The following PROB1 variants were observed in gnomAD, a reference collection of about 807,000 sequenced individuals.
The protein encoded by PROB1 is proline rich basic protein 1, also known as proline-rich basic protein 1.
For missense variants in PROB1, 1,453 were observed against 1,485.7 expected, an observed-to-expected ratio of 0.98 and a Z score of 0.36; for synonymous variants, 660 against 699.3, an observed-to-expected ratio of 0.94 and a Z score of 0.89.
At position 139,393,078 on chromosome 5, in the gene PROB1, C is replaced by T. The variant is rs769901914; in HGVS notation, c.2004G>A (p.Pro668=). Residue 668 remains proline (P), a synonymous_variant, in exon 1 of 1, where the codon CCG becomes CCA. Transcript: ENST00000434752. The stretch of plus-strand genomic sequence containing the variant: ...CCGGGGCGGGGGGCCCCAGTGCTGG[C>T]GGCTCTTGCGTCTTGGATTCGCCGC... The part of the protein sequence containing the change: ...EEGGESKTQE[P]PALGPPAPAH... 6.6e-5 allele frequency: 101 copies of T among 1,527,260 alleles called. No homozygotes were observed. The highest frequency in any genetic ancestry group is 8.2e-5 in the Non-Finnish European group (93 of 1,135,760). The allele number at this position is 1,527,260 out of a possible 1,614,324, so 94.6% of individuals were successfully genotyped here.
Position 139,390,863 on chromosome 5 carries a change from TC to T in PROB1, c.*1170del, listed in dbSNP as rs1276369752. Reference sequence around the variant, plus strand: ...CACTGCTTCTCATGGAAACTGTCCTTCCCAAACTCATCACATCACACACCAG... The same window carrying T: ...CACTGCTTCTCATGGAAACTGTCCTTCCAAACTCATCACATCACACACCAG... On this transcript the variant is annotated 3_prime_UTR_variant, in exon 1 of 1. Transcript: ENST00000434752. 2 of 152,266 alleles carry T rather than the reference TC, an allele frequency of 1.3e-5. No individual in the cohort carries two copies. Among genetic ancestry groups the T allele is most frequent in the Non-Finnish European group, 2.9e-5 (2 of 68,164 alleles). The allele number at this position is 152,266 out of a possible 1,614,324, so 9.4% of individuals were successfully genotyped here. A position where few individuals can be genotyped will look rare whatever the true frequency, so the allele number is the denominator to read the frequency against.
chr5:139,392,183 G>A lies in PROB1; in HGVS notation c.2899C>T (p.Pro967Ser). 1 of 1,410,094 alleles carries A rather than the reference G, an allele frequency of 7.1e-7. No homozygotes were observed. The highest frequency in any genetic ancestry group is 3.1e-5 in the Admixed American group (1 of 32,130). The allele number at this position is 1,410,094 out of a possible 1,614,324, so 87.3% of individuals were successfully genotyped here. Residue 967 changes from proline (P) to serine (S), a missense_variant, in exon 1 of 1, where the codon CCC becomes TCC. Transcript: ENST00000434752. The surrounding 1 kb of genome is among the most constrained non-coding windows in gnomAD (Gnocchi z 5.8). ...AGGGGCCCTGCCTCAGAGACCCAGG[G>A]TAGCTGGGGGCTGCCGAGGGCCTGC... ...GPQALGSPQL[P>S]WVSEAGPLDG...
Position 139,392,646 on chromosome 5 carries a change from A to G in PROB1, c.2436T>C (p.Pro812=), listed in dbSNP as rs1026960297. 50 of 1,388,088 alleles carry G rather than the reference A, an allele frequency of 3.6e-5. No homozygotes were observed. In the Middle Eastern group the frequency reaches 9.6e-4, roughly 27 times the overall value. The allele number at this position is 1,388,088 out of a possible 1,614,324, so 86.0% of individuals were successfully genotyped here. ...GTGTCTTCGGTTTGGGTGCTATCCC[A>G]GGGCTCGGGCTGGCTTGCATCTGAG... The part of the protein sequence containing the change: ...GSPQMQASPS[P]GIAPKPKTPP... Residue 812 remains proline, a synonymous_variant, in exon 1 of 1, where the codon CCT becomes CCC. Coordinates refer to ENST00000434752, the MANE Select transcript of PROB1 (RefSeq NM_001161546.2). The surrounding 1 kb of genome is among the most constrained non-coding windows in gnomAD (Gnocchi z 5.8).
In PROB1 at chr5:139,393,575, G is replaced by T. The variant is rs141056757; in HGVS notation, c.1507C>A (p.Pro503Thr). 1.6e-3 allele frequency: 2,499 copies of T among 1,551,064 alleles called. 37 individuals are homozygous for T. In the African/African-American group the frequency reaches 0.029, roughly 18 times the overall value. The stretch of plus-strand genomic sequence containing the variant: ...ATAGGACGATCTGGAGCCTCCCACG[G>T]GAAGAAGGCCGGCGGGGACGGGCTG... ...RSSPSPPAFF[P>T]WEAPDRPIGT... The change falls in exon 1 of 1, where the codon CCG (proline) becomes ACG (threonine). Residue 503 changes from proline (P) to threonine (T), a missense_variant. Physicochemically the swap from Pro to Thr is conservative, Grantham distance 38. Transcript: ENST00000434752.
rs955903098 is a variant in PROB1, at chr5:139,391,079, T to C, written c.*955A>G. 2.0e-5 allele frequency: 3 copies of C among 152,442 alleles called. No individual in the cohort carries two copies. Among genetic ancestry groups the C allele is most frequent in the African/African-American group, 7.2e-5 (3 of 41,558 alleles). The allele number at this position is 152,442 out of a possible 1,614,324, so 9.4% of individuals were successfully genotyped here. A position where few individuals can be genotyped will look rare whatever the true frequency, so the allele number is the denominator to read the frequency against. On this transcript the variant is annotated 3_prime_UTR_variant, in exon 1 of 1. Coordinates refer to ENST00000434752, the MANE Select transcript of PROB1 (RefSeq NM_001161546.2). The surrounding 1 kb of genome is among the most constrained non-coding windows in gnomAD (Gnocchi z 4.8). ...AGGGCCAGCCCCTCTCTGGCCATTG[T>C]TGCCACATCTGTTACTGGGGAGTGG...
chr5:139,391,993 G>A lies in PROB1; in HGVS notation c.*41C>T. 7.5e-7 allele frequency: 1 copy of A among 1,331,290 alleles called. No homozygotes were observed. The highest frequency in any genetic ancestry group is 3.8e-5 in the Admixed American group (1 of 26,106). 82.5% of individuals were successfully genotyped at this position (1,331,290 alleles called of 1,614,324 possible). A position where few individuals can be genotyped will look rare whatever the true frequency, so the allele number is the denominator to read the frequency against. ...GGGCTTGGATGCCAGAACCTCCCAG[G>A]CATCCAAGGGCTCCAACTCCATGGG... On this transcript the variant is annotated 3_prime_UTR_variant, in exon 1 of 1. Coordinates refer to ENST00000434752, the MANE Select transcript of PROB1 (RefSeq NM_001161546.2). The surrounding 1 kb of genome is among the most constrained non-coding windows in gnomAD (Gnocchi z 4.8).
In PROB1 at chr5:139,394,438, C is replaced by A; in HGVS notation, c.644G>T (p.Arg215Leu). The change falls in exon 1 of 1, where the codon CGG becomes CTG. Residue 215 changes from arginine to leucine, a missense_variant. By Grantham distance (102) the Arg-to-Leu change is moderately radical. Transcript: ENST00000434752. ...VPKRQIELRPRPQSPPRAAGA... is the reference protein window; with the variant it reads ...VPKRQIELRPLPQSPPRAAGA... ...GGCCGCCCTTGGGGGACTCTGGGGC[C>A]GGGGGCGCAGCTCGATCTGACGCTT... 1 of 1,394,562 alleles carries A rather than the reference C, an allele frequency of 7.2e-7. No individual in the cohort carries two copies. 86.4% of individuals were successfully genotyped at this position (1,394,562 alleles called of 1,614,324 possible).
chr5:139,393,177 G>A lies in PROB1; in HGVS notation c.1905C>T (p.Tyr635=), dbSNP rs753320442. Residue 635 remains tyrosine, a synonymous_variant, in exon 1 of 1, where the codon TAC becomes TAT. Coordinates refer to ENST00000434752, the MANE Select transcript of PROB1 (RefSeq NM_001161546.2). ...RDVRKLVKTT[Y]APGFPAGAQG... is the part of the protein sequence containing the mutation. ...GTGCTCCTGCCGGGAAGCCTGGCGC[G>A]TACGTGGTCTTCACCAACTTGCGCA... The A allele has an allele frequency of 1.3e-6, 2 of 1,549,310 alleles. No individual in the cohort carries two copies. The highest frequency in any genetic ancestry group is 1.7e-6 in the Non-Finnish European group (2 of 1,146,472).
rs1373676590 is a variant in PROB1, at chr5:139,392,894, G to T, written c.2188C>A (p.Arg730Ser). The T allele has an allele frequency of 1.9e-6, 3 of 1,543,386 alleles. No homozygotes were observed. Among genetic ancestry groups the T allele is most frequent in the Non-Finnish European group, 2.6e-6 (3 of 1,143,226 alleles). Residue 730 changes from arginine to serine, a missense_variant, in exon 1 of 1, where the codon CGC becomes AGC. Physicochemically the swap from Arg to Ser is moderately radical, Grantham distance 110. Transcript: ENST00000434752. This position sits in a 1 kb window ranked among gnomAD's most constrained non-coding sequence, Gnocchi z 5.8. ...AENSTAKPFK[R>S]TEIRLPGALA... is the part of the protein sequence containing the mutation. ...GCCCCAGGCAGGCGGATCTCTGTGC[G>T]CTTGAAGGGCTTCGCCGTGCTGTTC...
In PROB1 at chr5:139,394,403, G is replaced by T; in HGVS notation, c.679C>A (p.Arg227Ser). Residue 227 changes from arginine to serine, a missense_variant, in exon 1 of 1, where the codon CGC becomes AGC. Physicochemically the swap from Arg to Ser is moderately radical, Grantham distance 110. Coordinates refer to ENST00000434752, the MANE Select transcript of PROB1 (RefSeq NM_001161546.2). Reference protein sequence around the residue: ...QSPPRAAGAPRPRLLLRTGSL... With the variant: ...QSPPRAAGAPSPRLLLRTGSL... Reference sequence around the variant, plus strand: ...CCGGTGCGCAGGAGCAGCCGGGGGCGCGGCGCGCCGGCCGCCCTTGGGGGA... The same window carrying T: ...CCGGTGCGCAGGAGCAGCCGGGGGCTCGGCGCGCCGGCCGCCCTTGGGGGA... The T allele has an allele frequency of 7.2e-7, 1 of 1,390,052 alleles. No homozygotes were observed. The allele number at this position is 1,390,052 out of a possible 1,614,324, so 86.1% of individuals were successfully genotyped here.
rs964281552 is a variant in PROB1 at position 139,392,405 on chromosome 5, A to C, written c.2677T>G (p.Phe893Val). The C allele has an allele frequency of 1.0e-4, 156 of 1,508,492 alleles. No individual in the cohort carries two copies. The highest frequency in any genetic ancestry group is 1.3e-4 in the Non-Finnish European group (148 of 1,130,744). 93.4% of individuals were successfully genotyped at this position (1,508,492 alleles called of 1,614,324 possible). A position where few individuals can be genotyped will look rare whatever the true frequency, so the allele number is the denominator to read the frequency against. Reference protein sequence around the residue: ...LVDPESGRYYFVEAPRQPRLR... With the variant: ...LVDPESGRYYVVEAPRQPRLR... ...CGAGGCTGCCGCGGCGCCTCCACAA[A>C]GTAGTAGCGGCCGCTCTCGGGGTCC... Residue 893 changes from phenylalanine to valine, a missense_variant, in exon 1 of 1, where the codon TTT (phenylalanine) becomes GTT (valine). By Grantham distance (50) the Phe-to-Val change is conservative (BLOSUM62 -1). Coordinates refer to ENST00000434752, the MANE Select transcript of PROB1 (RefSeq NM_001161546.2). The surrounding 1 kb of genome is among the most constrained non-coding windows in gnomAD (Gnocchi z 5.8).
Position 139,395,046 on chromosome 5 carries a change from C to T in PROB1, c.36G>A (p.Gly12=), listed in dbSNP as rs1758674692. 7 of 1,427,356 alleles carry T rather than the reference C, an allele frequency of 4.9e-6. No homozygotes were observed. Among genetic ancestry groups the T allele is most frequent in the Non-Finnish European group, 6.4e-6 (7 of 1,091,004 alleles). 88.4% of individuals were successfully genotyped at this position (1,427,356 alleles called of 1,614,324 possible). The part of the protein sequence containing the change: ...LTALAPPALP[G]IPRQLPTAPA... ...GGGCCGTGGGCAGCTGCCTCGGGAT[C>T]CCAGGCAGGGCTGGCGGGGCGAGCG... is the stretch of plus-strand genomic sequence containing the variant. Residue 12 remains glycine (G), a synonymous_variant, in exon 1 of 1, where the codon GGG becomes GGA. Coordinates refer to ENST00000434752, the MANE Select transcript of PROB1 (RefSeq NM_001161546.2).
At position 139,392,451 on chromosome 5, in the gene PROB1, C is replaced by T; in HGVS notation, c.2631G>A (p.Ala877=). 1.4e-6 allele frequency: 2 copies of T among 1,426,342 alleles called. No homozygotes were observed. Among genetic ancestry groups the T allele is most frequent in the Non-Finnish European group, 1.8e-6 (2 of 1,091,536 alleles). 88.4% of individuals were successfully genotyped at this position (1,426,342 alleles called of 1,614,324 possible). A position where few individuals can be genotyped will look rare whatever the true frequency, so the allele number is the denominator to read the frequency against. The change falls in exon 1 of 1, where the codon GCG becomes GCA. Residue 877 remains alanine (A), a synonymous_variant. Transcript: ENST00000434752. The surrounding 1 kb of genome is among the most constrained non-coding windows in gnomAD (Gnocchi z 5.8). The stretch of plus-strand genomic sequence containing the variant: ...GGTCCACCAAGACCTTCCCCAGGGG[C>T]GCGGCCCCGGGCTGCCTGCGCGCTC... ...SQGARRQPGA[A]PLGKVLVDPE... is the part of the protein sequence containing the mutation.
chr5:139,393,586 G>A lies in PROB1; in HGVS notation c.1496C>T (p.Pro499Leu), dbSNP rs766053899. The change falls in exon 1 of 1, where the codon CCG (proline) becomes CTG (leucine). Residue 499 changes from proline (P) to leucine (L), a missense_variant. Coordinates refer to ENST00000434752, the MANE Select transcript of PROB1 (RefSeq NM_001161546.2). ...TGGAGCCTCCCACGGGAAGAAGGCC[G>A]GCGGGGACGGGCTGCTACGTGGCTC... ...AVEPRSSPSP[P>L]AFFPWEAPDR... The A allele has an allele frequency of 5.2e-6, 8 of 1,550,754 alleles. No homozygotes were observed. The highest frequency in any genetic ancestry group is 4.1e-5 in the African/African-American group (3 of 73,058).
At position 139,391,963 on chromosome 5, in the gene PROB1, G is replaced by A; in HGVS notation, c.*71C>T. 1 of 1,221,768 alleles carries A rather than the reference G, an allele frequency of 8.2e-7. No homozygotes were observed. 75.7% of individuals were successfully genotyped at this position (1,221,768 alleles called of 1,614,324 possible). A position where few individuals can be genotyped will look rare whatever the true frequency, so the allele number is the denominator to read the frequency against. The stretch of plus-strand genomic sequence containing the variant: ...GACAGAGGCGACGGAAGGAGAGGAG[G>A]GTAGGGGCTTGGATGCCAGAACCTC... On this transcript the variant is annotated 3_prime_UTR_variant, in exon 1 of 1. Transcript: ENST00000434752. The surrounding 1 kb of genome is among the most constrained non-coding windows in gnomAD (Gnocchi z 4.8).
At position 139,394,416 on chromosome 5, in the gene PROB1, C is replaced by T. The variant is rs910573116; in HGVS notation, c.666G>A (p.Ala222=). The T allele has an allele frequency of 9.4e-6, 13 of 1,388,296 alleles. No individual in the cohort carries two copies. The South Asian group carries it at 2.0e-4, about 21-fold the overall frequency. 86.0% of individuals were successfully genotyped at this position (1,388,296 alleles called of 1,614,324 possible). Residue 222 remains alanine, a synonymous_variant, in exon 1 of 1, where the codon GCG becomes GCA. Coordinates refer to ENST00000434752, the MANE Select transcript of PROB1 (RefSeq NM_001161546.2). ...LRPRPQSPPR[A]AGAPRPRLLL... ...GCAGCCGGGGGCGCGGCGCGCCGGC[C>T]GCCCTTGGGGGACTCTGGGGCCGGG...
Position 139,395,018 on chromosome 5 carries a change from C to CG in PROB1, c.63dup (p.Ala22ArgfsTer57). The CG allele has an allele frequency of 6.9e-7, 1 of 1,457,410 alleles. No individual in the cohort carries two copies. The highest frequency in any genetic ancestry group is 1.4e-5 in the South Asian group (1 of 71,942). 90.3% of individuals were successfully genotyped at this position (1,457,410 alleles called of 1,614,324 possible). On this transcript the variant is annotated frameshift_variant, in exon 1 of 1. Coordinates refer to ENST00000434752, the MANE Select transcript of PROB1 (RefSeq NM_001161546.2). LOFTEE classifies it low-confidence loss of function (END_TRUNC). ...GAACCGGAGGAGTCCTGGCGCCGCGCGGGGGCCGTGGGCAGCTGCCTCGGG... is the reference window on the plus strand; with the variant it reads ...GAACCGGAGGAGTCCTGGCGCCGCGCGGGGGGCCGTGGGCAGCTGCCTCGGG...
Position 139,391,976 on chromosome 5 carries a change from A to G in PROB1, c.*58T>C. The G allele has an allele frequency of 7.7e-7, 1 of 1,301,430 alleles. No individual in the cohort carries two copies. The highest frequency in any genetic ancestry group is 2.0e-4 in the Middle Eastern group (1 of 4,960). The allele number at this position is 1,301,430 out of a possible 1,614,324, so 80.6% of individuals were successfully genotyped here. On this transcript the variant is annotated 3_prime_UTR_variant, in exon 1 of 1. Transcript: ENST00000434752. This position sits in a 1 kb window ranked among gnomAD's most constrained non-coding sequence, Gnocchi z 4.8. ...GAAGGAGAGGAGGGTAGGGGCTTGG[A>G]TGCCAGAACCTCCCAGGCATCCAAG...
chr5:139,394,634 ACG>A lies in PROB1; in HGVS notation c.446_447del (p.Ala149ValfsTer131). 9 of 1,534,206 alleles carry A rather than the reference ACG, an allele frequency of 5.9e-6. No individual in the cohort carries two copies. The highest frequency in any genetic ancestry group is 7.0e-6 in the Non-Finnish European group (8 of 1,145,390). ...AFISPLPPGP[A>X]SPAAVPRQSQ... ...GACTGGCGTGGGACCGCGGCGGGAG[ACG>A]CTGGCCCCGGCGGCAAGGGGCTGAT... On this transcript the variant is annotated frameshift_variant, in exon 1 of 1. Transcript: ENST00000434752. LOFTEE classifies it low-confidence loss of function (END_TRUNC).
Sources: allele counts gnomAD v4.1 joint callset, GRCh38; gene constraint gnomAD v4.1.1; non-coding constraint Gnocchi (gnomAD v3.1); transcripts MANE v1.5; gene names NCBI Gene and HGNC (gene_info 2026-07-23, HGNC 2026-07-21).